STIM1: variants seen among roughly 807,000 people sequenced by gnomAD.
STIM1 encodes the protein stromal interaction molecule 1.
Under a neutral mutation model 74.7 loss-of-function variants are expected in STIM1, and 25 were observed. The ratio of observed to expected loss-of-function variants is 0.33; its 90% confidence interval spans 0.24 to 0.47. The LOEUF is 0.47. Ranked by LOEUF, STIM1 falls within the 20% of genes least tolerant of loss-of-function variation. The probability of loss-of-function intolerance (pLI) is 1.00; values close to 1 mark genes in which losing one functional copy is unlikely to be tolerated. For missense variants in STIM1, 728 were observed against 920.8 expected, an observed-to-expected ratio of 0.79 and a Z score of 2.71; for synonymous variants, 328 against 348.8, an observed-to-expected ratio of 0.94 and a Z score of 0.66.
Position 3,876,689 on chromosome 11 carries a change from CACTGGGTCTGGCCTTCAAT to C in STIM1, c.139+20283_139+20301del, listed in dbSNP as rs71047181. Among the ~76,000 whole-genome samples, 924 of 152,224 alleles carry C rather than the reference CACTGGGTCTGGCCTTCAAT, an allele frequency of 6.1e-3. 7 individuals carry two copies. Among genetic ancestry groups the C allele is most frequent in the Middle Eastern group, 0.01 (3 of 294 alleles). Reference sequence around the variant, plus strand: ...CTCCCAAAGTGATGGAATTATGGGCCACTGGGTCTGGCCTTCAATACATGTTTATTGAGTCCTGCCTGGT... The same window carrying C: ...CTCCCAAAGTGATGGAATTATGGGCCACATGTTTATTGAGTCCTGCCTGGT... On this transcript the variant is annotated intron_variant, in intron 1 of 12. Coordinates refer to ENST00000526596, the MANE Select transcript of STIM1 (RefSeq NM_001382567.1).
chr11:3,883,374 A>G (rs746836532), intron 1 of STIM1, among the ~76,000 whole-genome samples: 8 of 152,010 alleles, frequency 5.3e-5, no homozygotes, highest in Non-Finnish European at 1.0e-4. Flanking sequence ...TTGTTTTTTG[A>G]GACAGAGTTT....
chr11:3,879,460 A>G, intron 1 of STIM1, among the ~76,000 whole-genome samples: 1 of 152,162 alleles, frequency 6.6e-6, no homozygotes, highest in East Asian at 1.9e-4. Flanking sequence ...GTGGACATTA[A>G]TCTTCTCCCC....
At chr11:4,070,942 G>A (rs2094399676) in intron 6 of STIM1, among the ~76,000 whole-genome samples, 1 of 152,164 alleles carries the variant, frequency 6.6e-6, no homozygotes, top group African/African-American at 2.4e-5. Flanking sequence ...ACACCCACAA[G>A]AAGCAGCAGT....
intron 2 of STIM1, among the ~76,000 whole-genome samples, chr11:3,991,198 T>G (rs1179325844): frequency 2.3e-5 from 3 of 131,338 alleles, no homozygotes. Context: ...TGAGTCAGGG[T>G]CTTTCTCTGT....
upstream of STIM1, chr11:3,855,502 A>G (rs2090327275): frequency 1.3e-5 from 2 of 151,652 alleles, no homozygotes; most frequent in Non-Finnish European, 2.9e-5. Flanking sequence ...AGAGCCCGCT[A>G]GGGGCGGGGA....
intron 3 of STIM1, among the ~76,000 whole-genome samples, chr11:4,035,999 C>A (rs1230502943): frequency 1.3e-5 from 2 of 152,078 alleles, no homozygotes; most frequent in Non-Finnish European, 2.9e-5. Flanking sequence ...AGCTGTTCTT[C>A]CTGATGCTTT....
At chr11:3,904,487 G>A (rs1292496767) in intron 1 of STIM1, among the ~76,000 whole-genome samples, 1 of 152,178 alleles carries the variant, frequency 6.6e-6, no homozygotes, top group African/African-American at 2.4e-5. Flanking sequence ...TTATGGTAAA[G>A]AGCTTAAATC....
chr11:4,091,148 C>T, intron 12 of STIM1, 134 bp from the exon 13 acceptor site: 8 of 1,242,112 alleles, frequency 6.4e-6, no homozygotes, highest in Non-Finnish European at 9.3e-6. Context: ...TCCTATTTCT[C>T]TCTCCTGCCG....
chr11:3,936,841 G>T (rs2092937752), intron 1 of STIM1, among the ~76,000 whole-genome samples: 1 of 152,124 alleles, frequency 6.6e-6, no homozygotes, highest in Non-Finnish European at 1.5e-5. Context: ...GCTGTTCTTT[G>T]GCAGAGAAAA....
At chr11:3,944,950 A>G (rs1013010360) in intron 1 of STIM1, among the ~76,000 whole-genome samples, 1 of 152,198 alleles carries the variant, frequency 6.6e-6, no homozygotes. Flanking sequence ...ATTATATAAT[A>G]CGGGTGACCC....
At chr11:3,905,865 G>C (rs1050257407) in intron 1 of STIM1, among the ~76,000 whole-genome samples, 1 of 152,218 alleles carries the variant, frequency 6.6e-6, no homozygotes, top group African/African-American at 2.4e-5. Flanking sequence ...GCAGGGGGCA[G>C]GGTGGGTGGC....
intron 10 of STIM1, among the ~76,000 whole-genome samples, chr11:4,084,130 G>T (rs1032787274): frequency 6.6e-6 from 1 of 152,134 alleles, no homozygotes; most frequent in African/African-American, 2.4e-5. Flanking sequence ...GAGTTGAGTA[G>T]AGCAGAGCCA....
At chr11:3,957,171 A>C (rs1348329248) in intron 1 of STIM1, among the ~76,000 whole-genome samples, 1 of 152,230 alleles carries the variant, frequency 6.6e-6, no homozygotes, top group Non-Finnish European at 1.5e-5. Flanking sequence ...TATGAGGTGC[A>C]AAGTCAGAAT....
intron 1 of STIM1, among the ~76,000 whole-genome samples, chr11:3,939,804 A>G (rs903448597): frequency 1.3e-5 from 2 of 152,128 alleles, no homozygotes; most frequent in South Asian, 2.1e-4. Flanking sequence ...TTCTTTCCCT[A>G]TTCTTCTGAG....
intron 12 of STIM1, among the ~76,000 whole-genome samples, chr11:4,090,475 ACCT>A (rs1002447735): frequency 1.3e-5 from 2 of 152,040 alleles, no homozygotes; most frequent in African/African-American, 4.8e-5. Flanking sequence ...CCTATCTATG[ACCT>A]CCTTTGAATC....
chr11:4,023,584 T>C (rs540453871), intron 2 of STIM1, among the ~76,000 whole-genome samples: 6 of 152,346 alleles, frequency 3.9e-5, no homozygotes, highest in African/African-American at 9.6e-5. Flanking sequence ...TTTTAGCTTA[T>C]TGATTTTCAG....
chr11:3,905,491 T>C (rs971812323), intron 1 of STIM1, among the ~76,000 whole-genome samples: 2 of 151,854 alleles, frequency 1.3e-5, no homozygotes, highest in African/African-American at 4.8e-5. Context: ...TACTTCATAC[T>C]ATTGTGGGAG....
intron 1 of STIM1, among the ~76,000 whole-genome samples, chr11:3,875,744 A>G (rs1238322168): frequency 1.3e-5 from 2 of 151,768 alleles, no homozygotes; most frequent in Non-Finnish European, 2.9e-5. Flanking sequence ...AAAAACCCCT[A>G]AAAACAACAA....
chr11:4,019,426 C>A (rs1046797270), intron 2 of STIM1, among the ~76,000 whole-genome samples: 1 of 152,062 alleles, frequency 6.6e-6, no homozygotes, highest in South Asian at 2.1e-4. Flanking sequence ...GTAATCCGAG[C>A]ACTTTGGGAG....
Sources: allele counts gnomAD v4.1 joint callset (sites outside exome capture counted in the v4.1 genomes callset), GRCh38; gene constraint gnomAD v4.1.1; transcripts MANE v1.5; gene names NCBI Gene and HGNC (gene_info 2026-07-23, HGNC 2026-07-21).